TSHZ3: variants seen among roughly 807,000 people sequenced by gnomAD.
The protein encoded by TSHZ3 is teashirt homolog 3.
A neutral mutation model predicts 64.5 loss-of-function variants in TSHZ3; 10 were observed. The observed-to-expected ratio is 0.16, with a 90% CI of 0.10 to 0.26. The LOEUF is 0.26. Among genes scored for constraint, TSHZ3 ranks in the 10% least tolerant of loss-of-function variants. The probability of loss-of-function intolerance (pLI) is 1.00; values close to 1 mark genes in which losing one functional copy is unlikely to be tolerated. For missense variants in TSHZ3, 1,242 were observed against 1,421.7 expected, an observed-to-expected ratio of 0.87 and a Z score of 2.03; for synonymous variants, 608 against 593.1, an observed-to-expected ratio of 1.03 and a Z score of -0.36.
intron 4 of TSHZ3, among the ~76,000 whole-genome samples, chr19:31,208,455 A>G (rs957789578): frequency 2.6e-5 from 4 of 152,234 alleles, no homozygotes; most frequent in Non-Finnish European, 4.4e-5. Context: ...AATGTAGTTC[A>G]TGAAGACTGT....
chr19:31,180,884 C>A (rs16965186), intron 5 of TSHZ3, among the ~76,000 whole-genome samples: 5,878 of 152,254 alleles, frequency 0.039, 377 homozygotes, highest in African/African-American at 0.13. Context: ...GTATCTACTA[C>A]CACAACCTGC....
chr19:31,165,503 G>A (rs1018138419), intron 5 of TSHZ3, among the ~76,000 whole-genome samples: 11 of 152,250 alleles, frequency 7.2e-5, no homozygotes, highest in Admixed American at 4.6e-4. Flanking sequence ...GGATGTAAAC[G>A]AAGTCATCCA....
intron 4 of TSHZ3, among the ~76,000 whole-genome samples, chr19:31,206,603 G>A (rs182539825): frequency 2.0e-5 from 3 of 152,158 alleles, no homozygotes; most frequent in East Asian, 1.9e-4. Context: ...ATAAGGACAC[G>A]ATAAATACTT....
At position 31,275,932 on chromosome 19, in the gene TSHZ3, TAA is replaced by T. The variant is rs1260842226; in HGVS notation, c.*613_*614del. 1 of 152,534 alleles carries T rather than the reference TAA, an allele frequency of 6.6e-6. No individual in the cohort carries two copies. The highest frequency in any genetic ancestry group is 2.4e-5 in the African/African-American group (1 of 41,420). 9.4% of individuals were successfully genotyped at this position (152,534 alleles called of 1,614,324 possible). A position where few individuals can be genotyped will look rare whatever the true frequency, so the allele number is the denominator to read the frequency against. On this transcript the variant is annotated 3_prime_UTR_variant, in exon 2 of 2. Coordinates refer to ENST00000240587, the MANE Select transcript of TSHZ3 (RefSeq NM_020856.4). ...TTAACCACAATCACATTTTTTTTCATAAGAGAGTCTGAAATCTATACAATATA... is the reference window on the plus strand; with the variant it reads ...TTAACCACAATCACATTTTTTTTCATGAGAGTCTGAAATCTATACAATATA...
At chr19:31,165,738 G>A (rs539403457) in intron 5 of TSHZ3, among the ~76,000 whole-genome samples, 3 of 152,196 alleles carry the variant, frequency 2.0e-5, no homozygotes, top group African/African-American at 7.2e-5. Context: ...CCATAACAAG[G>A]ACTATGCAGG....
intron 4 of TSHZ3, among the ~76,000 whole-genome samples, chr19:31,224,680 C>A (rs1032665702): frequency 6.6e-6 from 1 of 152,192 alleles, no homozygotes; most frequent in African/African-American, 2.4e-5. Context: ...CATATCATTG[C>A]TATTCAGCAG....
At position 31,277,058 on chromosome 19, in the gene TSHZ3, G is replaced by C. The variant is rs1262179927; in HGVS notation, c.2735C>G (p.Ala912Gly). The change falls in exon 2 of 2, where the codon GCC (alanine) becomes GGC (glycine). Residue 912 changes from alanine (A) to glycine (G), a missense_variant. Physicochemically the swap from Ala to Gly is moderately conservative, Grantham distance 60. Transcript: ENST00000240587. The surrounding 1 kb of genome is among the most constrained non-coding windows in gnomAD (Gnocchi z 4.5). ...HLLILQAQFA[A>G]SLRQTSEGKY... ...CCCTTCTGAGGTCTGCCGGAGGCTGGCGGCAAACTGGGCCTGGAGGATCAG... is the reference window on the plus strand; with the variant it reads ...CCCTTCTGAGGTCTGCCGGAGGCTGCCGGCAAACTGGGCCTGGAGGATCAG... The C allele has an allele frequency of 6.2e-7, 1 of 1,609,092 alleles. No homozygotes were observed. Among genetic ancestry groups the C allele is most frequent in the Non-Finnish European group, 8.5e-7 (1 of 1,176,780 alleles).
At chr19:31,157,063 G>A (rs1974314487) in intron 5 of TSHZ3, among the ~76,000 whole-genome samples, 1 of 152,018 alleles carries the variant, frequency 6.6e-6, no homozygotes, top group Non-Finnish European at 1.5e-5. Context: ...GAGGCCCTAG[G>A]TACAGAATTG....
At chr19:31,348,561 G>A (rs1013016802) in intron 1 of TSHZ3, among the ~76,000 whole-genome samples, 2 of 151,894 alleles carry the variant, frequency 1.3e-5, no homozygotes, top group Admixed American at 6.5e-5. Context: ...GCAGTACAAG[G>A]AGGGGGTGGG....
intron 1 of TSHZ3, among the ~76,000 whole-genome samples, chr19:31,339,496 G>C (rs952299938): frequency 2.6e-5 from 4 of 152,100 alleles, no homozygotes; most frequent in African/African-American, 9.7e-5. Context: ...ACAGTACCAA[G>C]AGGAGGAAGA....
chr19:31,258,680 A>G (rs573958786), intron 1 of TSHZ3, among the ~76,000 whole-genome samples: 2 of 152,326 alleles, frequency 1.3e-5, no homozygotes, highest in African/African-American at 4.8e-5. Context: ...ATGCTCACAT[A>G]TCTGTTGAAT....
At chr19:31,348,943 G>T in intron 1 of TSHZ3, 1 of 498,230 alleles carries the variant, frequency 2.0e-6, no homozygotes, top group East Asian at 3.6e-5. Context: ...GGCTCAGCGC[G>T]CTCCGCGAGC....
chr19:31,218,292 T>A (rs62101212), intron 4 of TSHZ3, among the ~76,000 whole-genome samples: 152,358 of 152,358 alleles, frequency 1, 76,179 homozygotes, highest in Non-Finnish European at 1. Context: ...ACCTATGTCA[T>A]ATGTCCTATG....
At chr19:31,212,173 T>C (rs1334967956) in intron 4 of TSHZ3, among the ~76,000 whole-genome samples, 2 of 151,798 alleles carry the variant, frequency 1.3e-5, no homozygotes, top group Admixed American at 1.3e-4. Context: ...AAGCAAAGGG[T>C]GGCCAGACGC....
At chr19:31,241,760 G>C (rs747034465) in intron 3 of TSHZ3, among the ~76,000 whole-genome samples, 1 of 152,258 alleles carries the variant, frequency 6.6e-6, no homozygotes, top group Non-Finnish European at 1.5e-5. Flanking sequence ...GCAGGGGACT[G>C]AATGACCAGA....
At chr19:31,307,444 C>G (rs768817548) in intron 1 of TSHZ3, among the ~76,000 whole-genome samples, 2 of 152,094 alleles carry the variant, frequency 1.3e-5, no homozygotes, top group African/African-American at 4.8e-5. Flanking sequence ...ACATGAGGCC[C>G]GAACCACCCT....
chr19:31,258,494 C>A (rs1438999827), intron 1 of TSHZ3, among the ~76,000 whole-genome samples: 1 of 152,138 alleles, frequency 6.6e-6, no homozygotes, highest in African/African-American at 2.4e-5. Context: ...CTCTCCCTGG[C>A]TCTGTTTTGG....
intron 5 of TSHZ3, among the ~76,000 whole-genome samples, chr19:31,171,884 T>A (rs1246184580): frequency 6.6e-6 from 1 of 152,152 alleles, no homozygotes; most frequent in East Asian, 1.9e-4. Flanking sequence ...CTGCCCAGTG[T>A]CCCATTTCTC....
intron 1 of TSHZ3, among the ~76,000 whole-genome samples, chr19:31,307,362 G>T (rs776071867): frequency 7.9e-5 from 12 of 152,086 alleles, no homozygotes; most frequent in African/African-American, 2.9e-4. Flanking sequence ...CTACGATGGG[G>T]CCAACTGCAT....
Sources: gnomAD v4.1 joint callset for allele counts (sites outside exome capture counted in the v4.1 genomes callset) on GRCh38, gnomAD v4.1.1 for gene constraint, Gnocchi (gnomAD v3.1) non-coding constraint, MANE v1.5 for transcripts, NCBI Gene and HGNC (gene_info 2026-07-23, HGNC 2026-07-21) for gene names.